CDH13: variants seen among roughly 807,000 people sequenced by gnomAD.
The protein encoded by CDH13 is cadherin-13.
A neutral mutation model predicts 63.8 loss-of-function variants in CDH13; 24 were observed. The observed-to-expected ratio is 0.38, with a 90% confidence interval of 0.27 to 0.53. CDH13 has a LOEUF of 0.53. Ranked by LOEUF, CDH13 falls within the 20% of genes least tolerant of loss-of-function variation. The probability of loss-of-function intolerance (pLI) is 0.85; values close to 1 mark genes in which losing one functional copy is unlikely to be tolerated. For missense variants in CDH13, 1,049 were observed against 903.1 expected (o/e 1.16, Z -2.07); for synonymous variants, 503 against 355.3 (o/e 1.42, Z -4.67).
intron 7 of CDH13, among the ~76,000 whole-genome samples, chr16:83,590,815 G>A (rs187358022): frequency 5.5e-4 from 84 of 151,622 alleles, no homozygotes; most frequent in African/African-American, 1.9e-3. Flanking sequence ...GAGAAATTCA[G>A]ATGCTTTGGC....
At chr16:83,264,817 A>G (rs1333032351) in intron 5 of CDH13, among the ~76,000 whole-genome samples, 1 of 151,894 alleles carries the variant, frequency 6.6e-6, no homozygotes, top group Non-Finnish European at 1.5e-5. Context: ...TACTATTATA[A>G]TTTTCACTTA....
chr16:83,133,217 T>C (rs1263143261), intron 4 of CDH13, among the ~76,000 whole-genome samples: 2 of 152,206 alleles, frequency 1.3e-5, no homozygotes, highest in East Asian at 1.9e-4. Flanking sequence ...TATTTACAGA[T>C]AAAATATTTT....
chr16:82,934,096 A>T (rs1054736796), intron 2 of CDH13, among the ~76,000 whole-genome samples: 2 of 152,216 alleles, frequency 1.3e-5, no homozygotes, highest in Admixed American at 6.5e-5. Context: ...GGTGGCTCTG[A>T]TCCCACATTC....
Position 83,513,277 on chromosome 16 carries a change from G to A in CDH13, c.960+26622G>A, listed in dbSNP as rs78871086. Among the ~76,000 whole-genome samples the A allele has an allele frequency of 3.5e-3, 537 of 152,244 alleles. 13 individuals carry two copies. In the East Asian group the frequency reaches 0.055, roughly 16 times the overall value. Reference sequence around the variant, plus strand: ...TGAGTCAGCCGCTGACTCAGCCCCTGACCACAGAGTGATGAACAGAGAGGC... The same window carrying A: ...TGAGTCAGCCGCTGACTCAGCCCCTAACCACAGAGTGATGAACAGAGAGGC... On this transcript the variant is annotated intron_variant, in intron 7 of 13. Coordinates refer to ENST00000567109, the MANE Select transcript of CDH13 (RefSeq NM_001257.5).
chr16:82,807,756 C>T (rs191850771), intron 1 of CDH13, among the ~76,000 whole-genome samples: 2 of 152,226 alleles, frequency 1.3e-5, no homozygotes, highest in African/African-American at 4.8e-5. Context: ...CCTCCAAACA[C>T]CACAATGGAG....
intron 5 of CDH13, among the ~76,000 whole-genome samples, chr16:83,246,575 A>T (rs1252389804): frequency 6.6e-6 from 1 of 152,096 alleles, no homozygotes; most frequent in Admixed American, 6.6e-5. Context: ...TTTTAGAAGC[A>T]ATTACCAATT....
chr16:83,370,366 T>C (rs1204366012), intron 6 of CDH13, among the ~76,000 whole-genome samples: 1 of 143,650 alleles, frequency 7.0e-6, no homozygotes, highest in Non-Finnish European at 1.5e-5. Flanking sequence ...CCAGCCTGGG[T>C]AACACAGCGA....
At chr16:82,831,983 A>T (rs1023268484) in intron 1 of CDH13, among the ~76,000 whole-genome samples, 3 of 152,242 alleles carry the variant, frequency 2.0e-5, no homozygotes, top group Non-Finnish European at 4.4e-5. Flanking sequence ...ATAGCTGTAA[A>T]AGAGCAACGC....
chr16:82,737,271 A>G (rs903334904), intron 1 of CDH13, among the ~76,000 whole-genome samples: 2 of 152,166 alleles, frequency 1.3e-5, no homozygotes, highest in Admixed American at 1.3e-4. Flanking sequence ...TGGAGACCTG[A>G]GGGTCAAGAT....
intron 6 of CDH13, among the ~76,000 whole-genome samples, chr16:83,420,947 C>T (rs537460871): frequency 6.6e-6 from 1 of 152,190 alleles, no homozygotes; most frequent in South Asian, 2.1e-4. Flanking sequence ...ACCCAGCAAG[C>T]AAGGTTATCA....
intron 5 of CDH13, among the ~76,000 whole-genome samples, chr16:83,245,646 A>G (rs1904915548): frequency 6.6e-6 from 1 of 152,274 alleles, no homozygotes; most frequent in Non-Finnish European, 1.5e-5. Context: ...CAGTAGACTT[A>G]GATTACATAA....
chr16:83,176,356 A>C (rs1430027712), intron 4 of CDH13, among the ~76,000 whole-genome samples: 1 of 151,708 alleles, frequency 6.6e-6, no homozygotes, highest in Non-Finnish European at 1.5e-5. Context: ...CTAAAAATAC[A>C]AAAATTAGCC....
intron 8 of CDH13, among the ~76,000 whole-genome samples, chr16:83,627,790 G>C (rs1910447515): frequency 6.6e-6 from 1 of 152,196 alleles, no homozygotes; most frequent in East Asian, 1.9e-4. Context: ...AGTCCGTAAA[G>C]TGAAAGCAAG....
chr16:83,359,565 T>C (rs977328676), intron 6 of CDH13, among the ~76,000 whole-genome samples: 3 of 152,308 alleles, frequency 2.0e-5, no homozygotes, highest in South Asian at 4.1e-4. Flanking sequence ...TTTGAGCCTC[T>C]ATTTCCTCTA....
intron 4 of CDH13, among the ~76,000 whole-genome samples, chr16:83,180,211 T>A (rs1204201147): frequency 6.6e-6 from 1 of 152,192 alleles, no homozygotes; most frequent in East Asian, 1.9e-4. Context: ...CACATAGCCC[T>A]AAATCAATCA....
chr16:83,728,323 G>A (rs1371771778), intron 10 of CDH13, among the ~76,000 whole-genome samples: 1 of 141,626 alleles, frequency 7.1e-6, no homozygotes, highest in East Asian at 2.0e-4. Flanking sequence ...CTGGCTATGT[G>A]TGTATGTGTA....
chr16:83,571,105 T>A lies in CDH13; in HGVS notation c.961-31349T>A, dbSNP rs1197189232. Reference sequence around the variant, plus strand: ...AAAACAGACCCCGTTGACATGCACATATTTCCACAAACATCATAAAAGTCC... The same window carrying A: ...AAAACAGACCCCGTTGACATGCACAAATTTCCACAAACATCATAAAAGTCC... On this transcript the variant is annotated intron_variant, in intron 7 of 13. Transcript: ENST00000567109. Among the ~76,000 whole-genome samples the A allele has an allele frequency of 4.0e-5, 6 of 151,772 alleles. No homozygotes were observed. The East Asian group carries it at 1.2e-3, about 29-fold the overall frequency.
At chr16:83,507,600 G>C (rs1051666204) in intron 7 of CDH13, among the ~76,000 whole-genome samples, 1 of 152,226 alleles carries the variant, frequency 6.6e-6, no homozygotes, top group African/African-American at 2.4e-5. Flanking sequence ...AACTGAGCTA[G>C]ACTGTTAATA....
At chr16:83,368,274 T>C (rs2091291957) in intron 6 of CDH13, among the ~76,000 whole-genome samples, 1 of 152,222 alleles carries the variant, frequency 6.6e-6, no homozygotes, top group Non-Finnish European at 1.5e-5. Context: ...CAAGTACATG[T>C]GCACAAGTCA....
Sources: allele counts gnomAD v4.1 joint callset (sites outside exome capture counted in the v4.1 genomes callset), GRCh38; gene constraint gnomAD v4.1.1; transcripts MANE v1.5; gene names NCBI Gene and HGNC (gene_info 2026-07-23, HGNC 2026-07-21).